Variants in MUSK observed in about 807,000 individuals in gnomAD.
MUSK encodes muscle associated receptor tyrosine kinase.
In MUSK, 55 loss-of-function variants were observed where a neutral mutation model predicts 88.7. The observed-to-expected ratio is 0.62, with a 90% confidence interval of 0.50 to 0.78. The LOEUF (loss-of-function observed/expected upper bound fraction) is 0.78. Among genes scored for constraint, MUSK ranks in the 30% least tolerant of loss-of-function variants. The probability of loss-of-function intolerance (pLI) is 0.00; values close to 1 mark genes in which losing one functional copy is unlikely to be tolerated. For synonymous variants in MUSK, 387 were observed against 391.9 expected, an observed-to-expected ratio of 0.99 and a Z score of 0.15; for missense variants, 1,015 against 1,074.3, an observed-to-expected ratio of 0.94 and a Z score of 0.77.
chr9:110,800,593 G>A lies in MUSK; in HGVS notation c.2215G>A (p.Val739Met). The change falls in exon 15 of 15, where the codon GTG (valine) becomes ATG (methionine). Residue 739 changes from valine (V) to methionine (M), a missense_variant. By Grantham distance (21) the Val-to-Met change is conservative. Transcript: ENST00000374448. ...RNCLVGENMV[V>M]KIADFGLSRN... ...CTGCCTGGTGGGCGAGAACATGGTGGTGAAAATTGCCGACTTTGGCCTCTC... is the reference window on the plus strand; with the variant it reads ...CTGCCTGGTGGGCGAGAACATGGTGATGAAAATTGCCGACTTTGGCCTCTC... 1 of 1,602,050 alleles carries A rather than the reference G, an allele frequency of 6.2e-7. No homozygotes were observed. Among genetic ancestry groups the A allele is most frequent in the Non-Finnish European group, 8.5e-7 (1 of 1,173,610 alleles).
At chr9:110,681,958 A>C (rs757084709) in intron 1 of MUSK, among the ~76,000 whole-genome samples, 2 of 152,148 alleles carry the variant, frequency 1.3e-5, no homozygotes, top group African/African-American at 2.4e-5. Flanking sequence ...GGAGTGAGAA[A>C]AAAGAAAGGA....
rs1554735086 is a variant in MUSK, at chr9:110,689,534, A to AATATATATTT, written c.358+2273_358+2274insTTTATATATA. On this transcript the variant is annotated intron_variant, in intron 3 of 14. Coordinates refer to ENST00000374448, the MANE Select transcript of MUSK (RefSeq NM_005592.4). ...ATATAAATATATACAACTATATATA[A>AATATATATTT]ATATATAGTTATATATATTTATATA... is the stretch of plus-strand genomic sequence containing the variant. Among the ~76,000 whole-genome samples, 3 of 102,202 alleles carry AATATATATTT rather than the reference A, an allele frequency of 2.9e-5. 1 individual carries two copies. The highest frequency in any genetic ancestry group is 8.9e-5 in the African/African-American group (2 of 22,514). The allele number at this position is 102,202 out of a possible 152,430, so 67.0% of individuals were successfully genotyped here.
At chr9:110,689,572 A>T (rs1332988358) in intron 3 of MUSK, among the ~76,000 whole-genome samples, 1 of 105,594 alleles carries the variant, frequency 9.5e-6, no homozygotes, top group Non-Finnish European at 1.7e-5. Flanking sequence ...ATATATATTT[A>T]TATATTTTTT....
intron 5 of MUSK, among the ~76,000 whole-genome samples, chr9:110,724,674 C>T (rs546292019): frequency 6.6e-6 from 1 of 151,934 alleles, no homozygotes; most frequent in Admixed American, 6.6e-5. Context: ...TGTCTACTTT[C>T]TTATACACTG....
At chr9:110,763,790 C>A (rs2077435483) in intron 8 of MUSK, among the ~76,000 whole-genome samples, 1 of 152,078 alleles carries the variant, frequency 6.6e-6, no homozygotes, top group Non-Finnish European at 1.5e-5. Context: ...ATCTGGAATG[C>A]CCTTGGGACA....
chr9:110,748,130 CT>C (rs2077200077), intron 7 of MUSK: 3 of 408,212 alleles, frequency 7.3e-6, no homozygotes, highest in Non-Finnish European at 1.4e-5. Flanking sequence ...CCCTCGCTCC[CT>C]TTTTTCCTTC....
intron 11 of MUSK, among the ~76,000 whole-genome samples, chr9:110,777,598 G>A (rs982569662): frequency 6.6e-6 from 1 of 152,034 alleles, no homozygotes; most frequent in Non-Finnish European, 1.5e-5. Context: ...TGTTATATGA[G>A]CAGCCAAAGT....
intron 5 of MUSK, among the ~76,000 whole-genome samples, chr9:110,729,035 G>C (rs2076926640): frequency 6.6e-6 from 1 of 151,822 alleles, no homozygotes; most frequent in African/African-American, 2.4e-5. Context: ...GATTGGAAAA[G>C]AAAGATACCC....
intron 14 of MUSK, among the ~76,000 whole-genome samples, chr9:110,799,216 C>T (rs1459177306): frequency 5.3e-5 from 8 of 152,112 alleles, no homozygotes; most frequent in Non-Finnish European, 1.0e-4. Context: ...CCTCATTTCT[C>T]CTCTTTTTCA....
chr9:110,785,087 A>G, intron 12 of MUSK, 71 bp downstream of exon 12: 1 of 1,372,366 alleles, frequency 7.3e-7, no homozygotes, highest in Non-Finnish European at 1.0e-6. Flanking sequence ...AGTTGGTATG[A>G]CGTGAGGAAT....
intron 3 of MUSK, among the ~76,000 whole-genome samples, chr9:110,689,147 AT>A (rs1298533582): frequency 7.7e-6 from 1 of 129,604 alleles, no homozygotes; most frequent in Non-Finnish European, 1.5e-5. Flanking sequence ...TAAACTATAT[AT>A]TTATATAAAA....
chr9:110,689,221 T>TA (rs1564216625), intron 3 of MUSK, among the ~76,000 whole-genome samples: 23 of 80,178 alleles, frequency 2.9e-4, no homozygotes, highest in Non-Finnish European at 4.3e-4. Flanking sequence ...ATATAATATA[T>TA]AATATATAAA....
chr9:110,773,510 TATC>T (rs2077613293), intron 9 of MUSK, among the ~76,000 whole-genome samples: 1 of 152,174 alleles, frequency 6.6e-6, no homozygotes, highest in South Asian at 2.1e-4. Context: ...CTATGTTACT[TATC>T]ATTGATACTC....
At chr9:110,734,459 C>A in intron 6 of MUSK, 84 bp downstream of exon 6, 2 of 1,559,200 alleles carry the variant, frequency 1.3e-6, no homozygotes, top group South Asian at 1.1e-5. Context: ...TGTAGTTACC[C>A]AGATCTCTGT....
At position 110,747,663 on chromosome 9, in the gene MUSK, A is replaced by G. The variant is rs370071178; in HGVS notation, c.776A>G (p.Glu259Gly). ...CAGGTTTCTTCTGGGTCCATTCAAG[A>G]GAGTGTGAAAGACCGAGTGATTGAC... The part of the protein sequence containing the change: ...GNAVSSGSIQ[E>G]SVKDRVIDSR... The change falls in exon 7 of 15, where the codon GAG (glutamate) becomes GGG (glycine). Residue 259 changes from glutamate to glycine, a missense_variant. Glu to Gly is a moderately conservative substitution (Grantham distance 98, BLOSUM62 -2). Transcript: ENST00000374448. 39 of 1,613,638 alleles carry G rather than the reference A, an allele frequency of 2.4e-5. No individual in the cohort carries two copies. In the African/African-American group the frequency reaches 4.3e-4, roughly 18 times the overall value.
chr9:110,764,603 TTAGATAGATAGA>T (rs57464436), intron 8 of MUSK, among the ~76,000 whole-genome samples: 43,079 of 148,956 alleles, frequency 0.29, 6,445 homozygotes, highest in East Asian at 0.55. Context: ...GATAGATAGA[TTAGATAGATAGA>T]TAGATAGATA....
intron 3 of MUSK, among the ~76,000 whole-genome samples, chr9:110,692,578 A>G (rs1260075826): frequency 6.6e-6 from 1 of 150,582 alleles, no homozygotes; most frequent in Non-Finnish European, 1.5e-5. Context: ...TTCTTCTCAT[A>G]TTTTCTGCAT....
chr9:110,690,451 A>AT (rs2076329009), intron 3 of MUSK, among the ~76,000 whole-genome samples: 2 of 34,912 alleles, frequency 5.7e-5, no homozygotes, highest in African/African-American at 1.8e-4. Flanking sequence ...AGTATATATA[A>AT]ATATATATTT....
At chr9:110,675,371 G>GCCA (rs1431051558) in intron 1 of MUSK, among the ~76,000 whole-genome samples, 2 of 145,376 alleles carry the variant, frequency 1.4e-5, no homozygotes, top group East Asian at 2.1e-4. Flanking sequence ...ACAGGCACCC[G>GCCA]CCACCACGCC....
Sources: gnomAD v4.1 joint callset for allele counts (sites outside exome capture counted in the v4.1 genomes callset) on GRCh38, gnomAD v4.1.1 for gene constraint, MANE v1.5 for transcripts, NCBI Gene and HGNC (gene_info 2026-07-23, HGNC 2026-07-21) for gene names.